The following IFT56 variants were observed in gnomAD, a reference collection of about 807,000 sequenced individuals.
IFT56 encodes intraflagellar transport protein 56.
the IFT56 span, among the ~76,000 whole-genome samples, chr7:139,141,824 G>A: frequency 1.3e-5 from 2 of 152,232 alleles, no homozygotes; most frequent in African/African-American, 4.8e-5. Flanking sequence ...CAGTATAATT[G>A]TGGAAAAGGA....
chr7:139,171,381 CA>C, the IFT56 span, among the ~76,000 whole-genome samples: 1 of 152,158 alleles, frequency 6.6e-6, no homozygotes, highest in East Asian at 1.9e-4. Context: ...CCAGAATAGC[CA>C]AAGCTGTTCT....
the IFT56 span, chr7:139,148,278 A>G: frequency 1.9e-6 from 3 of 1,614,078 alleles, no homozygotes; most frequent in South Asian, 2.2e-5. Context: ...TGTCTCAAGA[A>G]GTTTTGGCTG....
chr7:139,136,263 G>C, the IFT56 span, among the ~76,000 whole-genome samples: 1 of 152,060 alleles, frequency 6.6e-6, no homozygotes, highest in Non-Finnish European at 1.5e-5. Context: ...TGTTGAGCGT[G>C]TTTTTTAGCT....
the IFT56 span, among the ~76,000 whole-genome samples, chr7:139,138,654 C>G: frequency 2.0e-4 from 31 of 152,098 alleles, no homozygotes; most frequent in Non-Finnish European, 3.8e-4. Context: ...AGTCTTCTCT[C>G]AAGAGAATTT....
At chr7:139,147,298 TC>T in the IFT56 span, 1 of 1,593,376 alleles carries the variant, frequency 6.3e-7, no homozygotes, top group South Asian at 1.1e-5. Flanking sequence ...CAGGTCTGTG[TC>T]CTTTTATGCC....
At chr7:139,135,861 T>C in the IFT56 span, among the ~76,000 whole-genome samples, 4 of 152,192 alleles carry the variant, frequency 2.6e-5, no homozygotes, top group Non-Finnish European at 5.9e-5. Context: ...CCCTTAATAA[T>C]TGTTATAATT....
At chr7:139,165,364 A>C in the IFT56 span, 1 of 632,482 alleles carries the variant, frequency 1.6e-6, no homozygotes, top group Non-Finnish European at 2.7e-6. Context: ...AGTTCATAGA[A>C]CAAGTTTATT....
chr7:139,164,173 G>A, the IFT56 span, among the ~76,000 whole-genome samples: 23 of 152,166 alleles, frequency 1.5e-4, no homozygotes, highest in Admixed American at 1.5e-3. Flanking sequence ...CCCTGTGCTT[G>A]TTACAGTAGT....
At chr7:139,180,768 G>A in the IFT56 span, among the ~76,000 whole-genome samples, 8 of 152,008 alleles carry the variant, frequency 5.3e-5, no homozygotes, top group Non-Finnish European at 1.0e-4. Context: ...TTTAGCAATC[G>A]TATCTTCTAA....
the IFT56 span, among the ~76,000 whole-genome samples, chr7:139,180,194 G>A: frequency 5.9e-5 from 9 of 152,172 alleles, no homozygotes; most frequent in South Asian, 6.2e-4. Flanking sequence ...AAAATTAGCC[G>A]GGCGCGGTGG....
chr7:139,164,989 A>C, the IFT56 span: 1 of 519,954 alleles, frequency 1.9e-6, no homozygotes, highest in Non-Finnish European at 3.3e-6. Context: ...CCAATAGTAA[A>C]AGTTCTCAAT....
chr7:139,133,886 G>A, the IFT56 span: 12,453 of 1,614,078 alleles, frequency 7.7e-3, 353 homozygotes, highest in East Asian at 0.09. Flanking sequence ...TAGTAAGGGA[G>A]TACTTTGAGT....
At chr7:139,170,465 T>A in the IFT56 span, among the ~76,000 whole-genome samples, 1 of 152,114 alleles carries the variant, frequency 6.6e-6, no homozygotes. Context: ...AACAAAATAT[T>A]AGCAAACAGA....
the IFT56 span, chr7:139,190,050 T>C: frequency 6.6e-6 from 1 of 152,166 alleles, no homozygotes; most frequent in Admixed American, 6.6e-5. Context: ...GTAAGATGAG[T>C]ATTGCAATGT....
the IFT56 span, among the ~76,000 whole-genome samples, chr7:139,170,083 T>C: frequency 6.6e-6 from 1 of 152,120 alleles, no homozygotes; most frequent in African/African-American, 2.4e-5. Context: ...CTATGAGCAA[T>C]GATATGTCAG....
chr7:139,169,371 C>T, the IFT56 span: 1 of 1,609,142 alleles, frequency 6.2e-7, no homozygotes. Context: ...GAAATCTGTA[C>T]TTATGATCTG....
chr7:139,181,110 C>G, the IFT56 span: 2 of 1,607,306 alleles, frequency 1.2e-6, no homozygotes, highest in Non-Finnish European at 1.7e-6. Flanking sequence ...AATAAGAAAC[C>G]AAGACTAGCC....
the IFT56 span, among the ~76,000 whole-genome samples, chr7:139,169,799 C>T: frequency 6.6e-6 from 1 of 152,170 alleles, no homozygotes; most frequent in East Asian, 1.9e-4. Flanking sequence ...TGGCTTGAGC[C>T]CAGGAGTTCA....
At chr7:139,150,487 A>G in the IFT56 span, among the ~76,000 whole-genome samples, 2 of 152,214 alleles carry the variant, frequency 1.3e-5, no homozygotes, top group South Asian at 4.1e-4. Flanking sequence ...TTAGGACATC[A>G]GAGTGTACTT....
Sources: allele counts gnomAD v4.1 joint callset (sites outside exome capture counted in the v4.1 genomes callset), GRCh38; gene constraint gnomAD v4.1.1; transcripts MANE v1.5; gene names NCBI Gene and HGNC (gene_info 2026-07-23, HGNC 2026-07-21).